Variants in GMDS observed in about 807,000 individuals in gnomAD.
GMDS encodes GDP-mannose 4,6 dehydratase.
Under a neutral mutation model 49.9 loss-of-function variants are expected in GMDS, and 20 were observed. That is an observed-to-expected ratio of 0.40 (90% CI 0.28 to 0.58). The LOEUF (loss-of-function observed/expected upper bound fraction) is 0.58. Among genes scored for constraint, GMDS ranks in the 20% least tolerant of loss-of-function variants. The probability of loss-of-function intolerance (pLI) is 0.42; values close to 1 mark genes in which losing one functional copy is unlikely to be tolerated. For synonymous variants in GMDS, 177 were observed against 178.6 expected, an observed-to-expected ratio of 0.99 and a Z score of 0.07; for missense variants, 362 against 481.4, an observed-to-expected ratio of 0.75 and a Z score of 2.32.
chr6:1,939,414 T>G (rs927700583), intron 6 of GMDS, among the ~76,000 whole-genome samples: 3 of 152,026 alleles, frequency 2.0e-5, no homozygotes, highest in Admixed American at 6.6e-5. Context: ...AATGCACAGG[T>G]TAACAAGGTT....
intron 1 of GMDS, among the ~76,000 whole-genome samples, chr6:2,127,411 A>T (rs903418967): frequency 2.4e-5 from 2 of 82,618 alleles, no homozygotes; most frequent in East Asian, 6.9e-4. Context: ...AAATGTTTAA[A>T]AAAAAAAAAG....
intron 7 of GMDS, among the ~76,000 whole-genome samples, chr6:1,858,518 C>T (rs1487012789): frequency 1.3e-5 from 2 of 152,080 alleles, no homozygotes; most frequent in Non-Finnish European, 2.9e-5. Context: ...TACTACTTCA[C>T]ACTAGTATTT....
rs151031563 is a variant in GMDS, at chr6:1,636,535, A to G, written c.988-11995T>C. ...CACTCACAAGATGATCAAGAGACTC[A>G]TGTGAGAACACAGCCACCAACACCT... On this transcript the variant is annotated intron_variant, in intron 9 of 10. Coordinates refer to ENST00000380815, the MANE Select transcript of GMDS (RefSeq NM_001500.4). Among the ~76,000 whole-genome samples, 855 of 152,346 alleles carry G rather than the reference A, an allele frequency of 5.6e-3. 9 individuals carry two copies. Among genetic ancestry groups the G allele is most frequent in the African/African-American group, 0.02 (832 of 41,588 alleles).
intron 7 of GMDS, among the ~76,000 whole-genome samples, chr6:1,809,466 A>C (rs1055837726): frequency 6.6e-6 from 1 of 152,188 alleles, no homozygotes; most frequent in South Asian, 2.1e-4. Context: ...AAATATTGTC[A>C]ATGACCACTC....
At chr6:2,218,107 C>T (rs1364399154) in intron 1 of GMDS, among the ~76,000 whole-genome samples, 1 of 152,192 alleles carries the variant, frequency 6.6e-6, no homozygotes. Flanking sequence ...TCCTCACCAC[C>T]TTTCCTCACT....
At chr6:1,770,228 C>T (rs1345770251) in intron 7 of GMDS, among the ~76,000 whole-genome samples, 3 of 152,192 alleles carry the variant, frequency 2.0e-5, no homozygotes, top group African/African-American at 7.2e-5. Context: ...CACACGAACA[C>T]ATTTTTACCT....
intron 4 of GMDS, among the ~76,000 whole-genome samples, chr6:2,102,480 T>C (rs1773981022): frequency 6.6e-6 from 1 of 152,212 alleles, no homozygotes; most frequent in Non-Finnish European, 1.5e-5. Flanking sequence ...CACGATTCTT[T>C]TGAAACCAAG....
intron 6 of GMDS, 24 bp from the exon 7 acceptor site, chr6:1,930,254 T>TA (rs772815301): frequency 4.4e-6 from 7 of 1,608,092 alleles, no homozygotes; most frequent in Non-Finnish European, 6.0e-6. Context: ...AAAGATGTAG[T>TA]ATCAGTCAAG....
In GMDS at chr6:1,826,097, G is replaced by GGTGA. The variant is rs1229861005; in HGVS notation, c.772-83515_772-83512dup. The stretch of plus-strand genomic sequence containing the variant: ...GCCTGCAGCACTGGAAGTTGCTCTG[G>GGTGA]GTGAGTGAGTGAGTGAGAGGTGAGT... On this transcript the variant is annotated intron_variant, in intron 7 of 10. Transcript: ENST00000380815. Among the ~76,000 whole-genome samples, 6 of 152,260 alleles carry GGTGA rather than the reference G, an allele frequency of 3.9e-5. No homozygotes were observed. In the East Asian group the frequency reaches 1.2e-3, roughly 29 times the overall value.
intron 7 of GMDS, among the ~76,000 whole-genome samples, chr6:1,815,838 C>T (rs1463584407): frequency 2.0e-5 from 3 of 152,210 alleles, no homozygotes; most frequent in Admixed American, 6.5e-5. Flanking sequence ...GCCTGTTTTA[C>T]ACCTTATCCT....
chr6:1,990,932 G>A (rs765545794), intron 4 of GMDS, among the ~76,000 whole-genome samples: 1 of 152,014 alleles, frequency 6.6e-6, no homozygotes, highest in Non-Finnish European at 1.5e-5. Flanking sequence ...CCAAAAAATG[G>A]GTGTTAAGTG....
chr6:1,759,907 C>G (rs1043382214), intron 7 of GMDS, among the ~76,000 whole-genome samples: 1 of 151,932 alleles, frequency 6.6e-6, no homozygotes, highest in East Asian at 1.9e-4. Flanking sequence ...CAGCCCCCCA[C>G]CCCCCAACAC....
At chr6:1,725,780 TAA>T (rs377750689) in intron 9 of GMDS, among the ~76,000 whole-genome samples, 27 of 152,246 alleles carry the variant, frequency 1.8e-4, no homozygotes, top group African/African-American at 6.3e-4. Context: ...CACAATTTGG[TAA>T]AGAGAGAAAG....
At chr6:1,838,838 T>C (rs1051225909) in intron 7 of GMDS, among the ~76,000 whole-genome samples, 1 of 152,178 alleles carries the variant, frequency 6.6e-6, no homozygotes, top group African/African-American at 2.4e-5. Context: ...TATTAAAATA[T>C]TACAATTACT....
intron 4 of GMDS, among the ~76,000 whole-genome samples, chr6:2,048,880 G>T (rs538544956): frequency 6.6e-6 from 1 of 152,172 alleles, no homozygotes; most frequent in Admixed American, 6.5e-5. Flanking sequence ...TTCTATTAAG[G>T]ACTGAATGTT....
intron 7 of GMDS, among the ~76,000 whole-genome samples, chr6:1,752,798 G>A (rs1309377448): frequency 3.3e-5 from 5 of 152,154 alleles, no homozygotes; most frequent in East Asian, 3.8e-4. Context: ...CTTCAAAAGC[G>A]AAGGAGAAAT....
intron 7 of GMDS, among the ~76,000 whole-genome samples, chr6:1,760,208 C>CA (rs749951721): frequency 2.0e-5 from 3 of 152,166 alleles, no homozygotes; most frequent in Non-Finnish European, 4.4e-5. Flanking sequence ...AGGCTCCTTA[C>CA]AAAAAATCCC....
chr6:2,168,877 C>T (rs1777802680), intron 1 of GMDS, among the ~76,000 whole-genome samples: 1 of 152,190 alleles, frequency 6.6e-6, no homozygotes, highest in South Asian at 2.1e-4. Flanking sequence ...TAAGTCCTTA[C>T]AGCCAACAAA....
chr6:2,079,394 C>T (rs1421269325), intron 4 of GMDS, among the ~76,000 whole-genome samples: 5 of 151,708 alleles, frequency 3.3e-5, no homozygotes, highest in Non-Finnish European at 7.4e-5. Flanking sequence ...GGTGGTTTTC[C>T]GTACAGGTAC....
Sources: gnomAD v4.1 joint callset for allele counts (sites outside exome capture counted in the v4.1 genomes callset) on GRCh38, gnomAD v4.1.1 for gene constraint, MANE v1.5 for transcripts, NCBI Gene and HGNC (gene_info 2026-07-23, HGNC 2026-07-21) for gene names.